VPS39: variants seen among roughly 807,000 people sequenced by gnomAD.
VPS39 encodes vam6/Vps39-like protein.
In VPS39, 70 loss-of-function variants were observed where a neutral mutation model predicts 121.0. The ratio of observed to expected loss-of-function variants is 0.58; its 90% confidence interval spans 0.48 to 0.71. The LOEUF (loss-of-function observed/expected upper bound fraction) is 0.71. Ranked by LOEUF, VPS39 falls within the 30% of genes least tolerant of loss-of-function variation. The pLI is 0.00. For synonymous variants in VPS39, 378 were observed against 398.1 expected, an observed-to-expected ratio of 0.95 and a Z score of 0.60; for missense variants, 818 against 1,051.5, an observed-to-expected ratio of 0.78 and a Z score of 3.07.
Position 42,208,082 on chromosome 15 carries a change from C to A in VPS39, c.72G>T (p.Trp24Cys), listed in dbSNP as rs1020329181. The change falls in exon 1 of 25, where the codon TGG (tryptophan) becomes TGT (cysteine). Residue 24 changes from tryptophan (W) to cysteine (C), a missense_variant and splice_region_variant. Coordinates refer to ENST00000318006, the MANE Select transcript of VPS39 (RefSeq NM_015289.5). ...CGGCCCCGCGGCCCCTCGGCTCACC[C>A]CAGGCAGCCAGACAGTCGATTTGCA... ...LPLQIDCLAA[W>C]EEWLLVGTKQ... 3.2e-6 allele frequency: 5 copies of A among 1,580,830 alleles called. No homozygotes were observed. The highest frequency in any genetic ancestry group is 1.3e-5 in the African/African-American group (1 of 74,358).
At chr15:42,170,182 A>G (rs923343917) in intron 11 of VPS39, among the ~76,000 whole-genome samples, 2 of 152,184 alleles carry the variant, frequency 1.3e-5, no homozygotes, top group African/African-American at 4.8e-5. Context: ...ATATTGAAGT[A>G]GAAGAGATCA....
intron 11 of VPS39, among the ~76,000 whole-genome samples, chr15:42,172,036 G>C (rs112141996): frequency 1.3e-5 from 2 of 152,118 alleles, no homozygotes; most frequent in Non-Finnish European, 2.9e-5. Context: ...GACAAGTAGC[G>C]TGGTACACAC....
intron 11 of VPS39, among the ~76,000 whole-genome samples, chr15:42,171,188 C>A (rs1336037732): frequency 6.6e-6 from 1 of 152,178 alleles, no homozygotes; most frequent in Non-Finnish European, 1.5e-5. Flanking sequence ...CCTTTATAGT[C>A]CACAGGGGCT....
chr15:42,190,836 T>A (rs907042536), intron 4 of VPS39, among the ~76,000 whole-genome samples: 2 of 152,244 alleles, frequency 1.3e-5, no homozygotes, highest in Non-Finnish European at 2.9e-5. Context: ...AGCAACTATG[T>A]CTCACTGAAC....
In VPS39 at chr15:42,178,578, A is replaced by G; in HGVS notation, c.719-8T>C. The G allele has an allele frequency of 1.2e-6, 2 of 1,614,082 alleles. No homozygotes were observed. Among genetic ancestry groups the G allele is most frequent in the Non-Finnish European group, 1.7e-6 (2 of 1,179,996 alleles). ...TGTAGGGAGGCTGGTGCTCTGTGAA[A>G]GAGAACATACACAGCAGTTGTTCCG... is the stretch of plus-strand genomic sequence containing the variant. On this transcript the variant is annotated splice_polypyrimidine_tract_variant and splice_region_variant and intron_variant, in intron 8 of 24. Transcript: ENST00000318006.
intron 2 of VPS39, among the ~76,000 whole-genome samples, chr15:42,195,871 T>G (rs572409288): frequency 6.6e-6 from 1 of 152,312 alleles, no homozygotes; most frequent in East Asian, 1.9e-4. Context: ...AAGTCGATCC[T>G]AAGCAAAAAG....
At chr15:42,170,381 T>A (rs1021893983) in intron 11 of VPS39, among the ~76,000 whole-genome samples, 12 of 152,198 alleles carry the variant, frequency 7.9e-5, no homozygotes, top group Non-Finnish European at 1.8e-4. Flanking sequence ...GGCATGTGCC[T>A]GTATCCAGCT....
Position 42,173,706 on chromosome 15 carries a change from G to A in VPS39, c.1090+17C>T. On this transcript the variant is annotated intron_variant, in intron 11 of 24. Coordinates refer to ENST00000318006, the MANE Select transcript of VPS39 (RefSeq NM_015289.5). ...TCCTCCATTAGTCCCTTATATAAAGGCCTCACCACTTGTTACCTGTGCCAA... is the reference window on the plus strand; with the variant it reads ...TCCTCCATTAGTCCCTTATATAAAGACCTCACCACTTGTTACCTGTGCCAA... 6.2e-7 allele frequency: 1 copy of A among 1,612,370 alleles called. No individual in the cohort carries two copies. The highest frequency in any genetic ancestry group is 8.5e-7 in the Non-Finnish European group (1 of 1,179,150).
Position 42,199,966 on chromosome 15 carries a change from A to AAAAAC in VPS39, c.74-10_74-6dup, listed in dbSNP as rs200307287. The AAAAAC allele has an allele frequency of 8.9e-6, 14 of 1,571,600 alleles. No homozygotes were observed. Among genetic ancestry groups the AAAAAC allele is most frequent in the African/African-American group, 8.6e-5 (6 of 69,502 alleles). ...TTCCCACAAGAAGCCATTCCTCTGG[A>AAAAAC]AAAACAAAACAAAACAAAAACAAAA... On this transcript the variant is annotated splice_polypyrimidine_tract_variant and splice_region_variant and intron_variant, in intron 1 of 24. Coordinates refer to ENST00000318006, the MANE Select transcript of VPS39 (RefSeq NM_015289.5).
intron 1 of VPS39, among the ~76,000 whole-genome samples, chr15:42,202,391 C>T (rs141953511): frequency 6.6e-6 from 1 of 152,006 alleles, no homozygotes; most frequent in East Asian, 1.9e-4. Context: ...TATGCTGCAG[C>T]AGAACATGAA....
intron 11 of VPS39, 30 bp downstream of exon 11, chr15:42,173,693 C>T (rs2140851242): frequency 6.2e-7 from 1 of 1,608,956 alleles, no homozygotes; most frequent in Non-Finnish European, 8.5e-7. Context: ...CTCCATTAGT[C>T]CCTTATATAA....
intron 1 of VPS39, among the ~76,000 whole-genome samples, chr15:42,206,029 A>T (rs2050164005): frequency 1.3e-5 from 2 of 152,210 alleles, no homozygotes; most frequent in African/African-American, 4.8e-5. Flanking sequence ...AGGGGAGAGG[A>T]ATCAAGAACG....
In VPS39 at chr15:42,178,239, A is replaced by G. The variant is rs2049497368; in HGVS notation, c.939T>C (p.Phe313=). The G allele has an allele frequency of 6.2e-7, 1 of 1,614,080 alleles. No homozygotes were observed. Among genetic ancestry groups the G allele is most frequent in the Admixed American group, 1.7e-5 (1 of 60,008 alleles). Residue 313 remains phenylalanine, a synonymous_variant, in exon 10 of 25, where the codon TTT becomes TTC. Transcript: ENST00000318006. ...TTACTGCGAGCTGCAGAGCCAATTC[A>G]AACTGCTTGTCCTGGAGAAGTTGTT... ...QIQQLLQDKQ[F]ELALQLAEMK...
At chr15:42,188,373 T>C (rs1248739470) in intron 5 of VPS39, among the ~76,000 whole-genome samples, 1 of 152,136 alleles carries the variant, frequency 6.6e-6, no homozygotes, top group African/African-American at 2.4e-5. Flanking sequence ...TTCTGAAGAA[T>C]AAAAGAATGA....
At chr15:42,172,575 G>A (rs1007885232) in intron 11 of VPS39, among the ~76,000 whole-genome samples, 1 of 152,202 alleles carries the variant, frequency 6.6e-6, no homozygotes, top group Non-Finnish European at 1.5e-5. Context: ...TAATACACTA[G>A]CAGAGGGCAA....
In VPS39 at chr15:42,167,521, A is replaced by C; in HGVS notation, c.1250T>G (p.Val417Gly). Residue 417 changes from valine (V) to glycine (G), a missense_variant, in exon 13 of 25, where the codon GTA becomes GGA. Physicochemically the swap from Val to Gly is moderately radical, Grantham distance 109 (BLOSUM62 -3). Transcript: ENST00000318006. ...GTGATCAGAGTCATTCAGCTTCTTT[A>C]CCAATTGACTTCGTTTCTGCAAAGG... ...DYLTQKRSQL[V>G]KKLNDSDHQS... 6.2e-7 allele frequency: 1 copy of C among 1,614,070 alleles called. No homozygotes were observed. The highest frequency in any genetic ancestry group is 8.5e-7 in the Non-Finnish European group (1 of 1,180,014).
chr15:42,178,299 C>G lies in VPS39; in HGVS notation c.879G>C (p.Trp293Cys). The change falls in exon 10 of 25, where the codon TGG becomes TGC. Residue 293 changes from tryptophan (W) to cysteine (C), a missense_variant. Trp to Cys is a radical substitution (Grantham distance 215, BLOSUM62 -2). Coordinates refer to ENST00000318006, the MANE Select transcript of VPS39 (RefSeq NM_015289.5). ...IIYVASNHFVWRLIPVPMATQ... is the reference protein window; with the variant it reads ...IIYVASNHFVCRLIPVPMATQ... ...TTGCCATGGGGACAGGGATGAGTCT[C>G]CAAACAAAATGATTGCTGGCCACAT... is the stretch of plus-strand genomic sequence containing the variant. The G allele has an allele frequency of 6.2e-7, 1 of 1,614,056 alleles. No homozygotes were observed. The highest frequency in any genetic ancestry group is 8.5e-7 in the Non-Finnish European group (1 of 1,180,012).
chr15:42,170,770 T>TTTTTTG (rs2049332485), intron 11 of VPS39, among the ~76,000 whole-genome samples: 16 of 141,284 alleles, frequency 1.1e-4, no homozygotes, highest in East Asian at 4.2e-4. Context: ...TTTTTTTTTT[T>TTTTTTG]GAGACAGGGT....
chr15:42,208,261 C>A lies in VPS39; in HGVS notation c.-108G>T. On this transcript the variant is annotated 5_prime_UTR_variant, in exon 1 of 25. Coordinates refer to ENST00000318006, the MANE Select transcript of VPS39 (RefSeq NM_015289.5). ...GGTAGACCGGGATCCGGCCAGGAAC[C>A]CCCCGGCTACAGGCCCTTCAACAAC... The A allele has an allele frequency of 7.0e-7, 1 of 1,423,732 alleles. No individual in the cohort carries two copies. Among genetic ancestry groups the A allele is most frequent in the Non-Finnish European group, 9.5e-7 (1 of 1,050,194 alleles). 88.2% of individuals were successfully genotyped at this position (1,423,732 alleles called of 1,614,324 possible).
Sources: gnomAD v4.1 joint callset for allele counts (sites outside exome capture counted in the v4.1 genomes callset) on GRCh38, gnomAD v4.1.1 for gene constraint, MANE v1.5 for transcripts, NCBI Gene and HGNC (gene_info 2026-07-23, HGNC 2026-07-21) for gene names.